SPAG16: variants seen among roughly 807,000 people sequenced by gnomAD.
SPAG16 encodes sperm associated antigen 16, also known as sperm-associated antigen 16 protein.
In SPAG16, 86 loss-of-function variants were observed where a neutral mutation model predicts 80.4. The observed-to-expected ratio is 1.07, with a 90% CI of 0.90 to 1.28. SPAG16 has a LOEUF of 1.28. SPAG16 is among the 50% of genes most tolerant of loss of function. The pLI is 0.00. For missense variants in SPAG16, 870 were observed against 765.3 expected, an observed-to-expected ratio of 1.14 and a Z score of -1.61; for synonymous variants, 294 against 265.9, an observed-to-expected ratio of 1.11 and a Z score of -1.03.
chr2:213,654,716 CAA>C (rs60852712), intron 10 of SPAG16, among the ~76,000 whole-genome samples: 113 of 132,740 alleles, frequency 8.5e-4, no homozygotes, highest in Admixed American at 3.4e-3. Flanking sequence ...GACTCCATCT[CAA>C]AAAAAAAAAT....
At chr2:213,451,621 G>C (rs1262762724) in intron 9 of SPAG16, among the ~76,000 whole-genome samples, 1 of 152,166 alleles carries the variant, frequency 6.6e-6, no homozygotes, top group East Asian at 1.9e-4. Context: ...CAAAAGAAAA[G>C]AACAGCTCTC....
chr2:213,326,963 C>G (rs2063868096), intron 5 of SPAG16, among the ~76,000 whole-genome samples: 1 of 151,896 alleles, frequency 6.6e-6, no homozygotes, highest in Non-Finnish European at 1.5e-5. Flanking sequence ...ATAAGAATAT[C>G]TGTACCTTAA....
At chr2:213,917,362 G>A in intron 11 of SPAG16, among the ~76,000 whole-genome samples, 1 of 152,082 alleles carries the variant, frequency 6.6e-6, no homozygotes, top group East Asian at 1.9e-4. Flanking sequence ...AACTGCTTTG[G>A]GCAGTATGGC....
intron 15 of SPAG16, among the ~76,000 whole-genome samples, chr2:214,364,020 C>G (rs1272339767): frequency 6.6e-6 from 1 of 152,034 alleles, no homozygotes; most frequent in African/African-American, 2.4e-5. Context: ...CGTATTCTTT[C>G]TTTAGTATTC....
At chr2:213,631,271 C>G (rs894541044) in intron 10 of SPAG16, among the ~76,000 whole-genome samples, 2 of 151,986 alleles carry the variant, frequency 1.3e-5, no homozygotes, top group African/African-American at 4.8e-5. Context: ...ACAAACAAAC[C>G]ATGGACTATG....
chr2:213,321,497 T>G (rs2063606156), intron 5 of SPAG16, among the ~76,000 whole-genome samples: 2 of 152,120 alleles, frequency 1.3e-5, no homozygotes, highest in Non-Finnish European at 2.9e-5. Context: ...ATGTCAGCTA[T>G]TATCAATAAC....
chr2:213,435,634 T>G (rs183343758), intron 9 of SPAG16, among the ~76,000 whole-genome samples: 1 of 152,282 alleles, frequency 6.6e-6, no homozygotes, highest in East Asian at 1.9e-4. Context: ...TACCAATTAT[T>G]CTCTTTAGTT....
intron 10 of SPAG16, among the ~76,000 whole-genome samples, chr2:213,702,445 T>G (rs1292584407): frequency 6.6e-6 from 1 of 152,194 alleles, no homozygotes; most frequent in Non-Finnish European, 1.5e-5. Context: ...CACCTTCACT[T>G]CTGAGGCCAG....
intron 15 of SPAG16, among the ~76,000 whole-genome samples, chr2:214,290,116 T>G (rs1478118528): frequency 2.0e-5 from 3 of 148,562 alleles, no homozygotes; most frequent in Admixed American, 1.3e-4. Context: ...TATGTTCAGG[T>G]TTTTTTTTAC....
chr2:213,956,000 C>A (rs546693070), intron 12 of SPAG16, among the ~76,000 whole-genome samples: 35 of 151,724 alleles, frequency 2.3e-4, no homozygotes, highest in African/African-American at 8.2e-4. Context: ...GATGGAGTTT[C>A]GCTCTTGTCT....
chr2:214,195,794 A>C (rs2057818975), intron 15 of SPAG16, among the ~76,000 whole-genome samples: 1 of 152,034 alleles, frequency 6.6e-6, no homozygotes, highest in African/African-American at 2.4e-5. Context: ...CAAGTAAAAA[A>C]AACTAGCTAT....
chr2:214,310,838 C>T (rs899497677), intron 15 of SPAG16, among the ~76,000 whole-genome samples: 1 of 152,184 alleles, frequency 6.6e-6, no homozygotes, highest in African/African-American at 2.4e-5. Context: ...AGAACCTCTT[C>T]CCCCAACACC....
At chr2:213,416,684 G>T (rs1476095973) in intron 9 of SPAG16, among the ~76,000 whole-genome samples, 1 of 152,212 alleles carries the variant, frequency 6.6e-6, no homozygotes, top group Non-Finnish European at 1.5e-5. Context: ...CTATCCCGGG[G>T]TGGGGGCTAA....
intron 10 of SPAG16, among the ~76,000 whole-genome samples, chr2:213,626,008 T>C (rs1328493071): frequency 6.6e-6 from 1 of 152,078 alleles, no homozygotes; most frequent in African/African-American, 2.4e-5. Context: ...AAATCTTAAG[T>C]TTTGTTATTG....
intron 13 of SPAG16, among the ~76,000 whole-genome samples, chr2:214,048,353 A>G (rs2049453748): frequency 6.6e-6 from 1 of 152,212 alleles, no homozygotes; most frequent in African/African-American, 2.4e-5. Flanking sequence ...TGGTACATTT[A>G]CAGAATGGAA....
rs1487239143 is a variant in SPAG16 at position 214,210,629 on chromosome 2, C to T, written c.1720+61363C>T. On this transcript the variant is annotated intron_variant, in intron 15 of 15. Transcript: ENST00000331683. ...CATATTTATGTAACTCTGAAAAATA[C>T]ACTTTTAAGCATTACAAATGATTGG... Among the ~76,000 whole-genome samples the T allele has an allele frequency of 2.0e-5, 3 of 151,920 alleles. No homozygotes were observed. The East Asian group carries it at 5.8e-4, about 29-fold the overall frequency.
At chr2:213,384,836 C>T (rs1344937517) in intron 9 of SPAG16, among the ~76,000 whole-genome samples, 1 of 152,298 alleles carries the variant, frequency 6.6e-6, no homozygotes, top group Admixed American at 6.5e-5. Flanking sequence ...CATCTTTCAG[C>T]CCTTTAAAGA....
At chr2:214,358,973 TACTG>T (rs1284671808) in intron 15 of SPAG16, among the ~76,000 whole-genome samples, 1 of 151,924 alleles carries the variant, frequency 6.6e-6, no homozygotes, top group Non-Finnish European at 1.5e-5. Flanking sequence ...TCTAAAAAAT[TACTG>T]ACTTTCTTAC....
At chr2:213,448,607 A>C (rs1227304819) in intron 9 of SPAG16, among the ~76,000 whole-genome samples, 1 of 152,210 alleles carries the variant, frequency 6.6e-6, no homozygotes, top group Non-Finnish European at 1.5e-5. Flanking sequence ...AAAGAAAGGG[A>C]GAAATGTTGC....
Sources: gnomAD v4.1 joint callset for allele counts (sites outside exome capture counted in the v4.1 genomes callset) on GRCh38, gnomAD v4.1.1 for gene constraint, MANE v1.5 for transcripts, NCBI Gene and HGNC (gene_info 2026-07-23, HGNC 2026-07-21) for gene names.